The following EDRF1 variants were observed in gnomAD, a reference collection of about 807,000 sequenced individuals.
EDRF1 encodes the protein erythroid differentiation regulatory factor 1.
Under a neutral mutation model 148.7 loss-of-function variants are expected in EDRF1, and 69 were observed. That is an observed-to-expected ratio of 0.46 (90% CI 0.38 to 0.57). The LOEUF is 0.57. Ranked by LOEUF, EDRF1 falls within the 20% of genes least tolerant of loss-of-function variation. EDRF1 has a pLI of 0.00. For synonymous variants in EDRF1, 515 were observed against 532.8 expected (o/e 0.97, Z 0.46); for missense variants, 1,118 against 1,478.7 (o/e 0.76, Z 4.00).
chr10:125,725,647 T>A (rs777526783), intron 5 of EDRF1, 35 bp from the exon 6 acceptor site: 2 of 1,613,550 alleles, frequency 1.2e-6, no homozygotes, highest in South Asian at 2.2e-5. Context: ...TTAACTTTAG[T>A]AACAGCAATC....
At chr10:125,724,771 A>G (rs1472520497) in intron 4 of EDRF1, among the ~76,000 whole-genome samples, 2 of 152,236 alleles carry the variant, frequency 1.3e-5, no homozygotes, top group Non-Finnish European at 2.9e-5. Context: ...ACTACCCTCC[A>G]TATCTGTACT....
In EDRF1 at chr10:125,747,761, C is replaced by T. The variant is rs192897189; in HGVS notation, c.2973+67C>T. On this transcript the variant is annotated intron_variant, in intron 20 of 24. Coordinates refer to ENST00000356792, the MANE Select transcript of EDRF1 (RefSeq NM_001202438.2). ...ATTCCCTTGTTTAACAAATATTTAG[C>T]GTCTGTTGTCTTTTCCCTAATAAGC... 7.2e-4 allele frequency: 1,162 copies of T among 1,609,134 alleles called. 9 individuals are homozygous for T. In the South Asian group the frequency reaches 8.9e-3, roughly 12 times the overall value.
At chr10:125,728,322 T>C (rs1848354643) in intron 6 of EDRF1, among the ~76,000 whole-genome samples, 1 of 152,230 alleles carries the variant, frequency 6.6e-6, no homozygotes, top group Non-Finnish European at 1.5e-5. Flanking sequence ...ACTTATTATA[T>C]ATTTATTGTT....
chr10:125,719,957 C>T (rs750018773), intron 1 of EDRF1, 42 bp downstream of exon 1: 12 of 1,565,712 alleles, frequency 7.7e-6, no homozygotes, highest in South Asian at 3.4e-5. Context: ...GATGTGGGAG[C>T]GGAGGACCCG....
intron 1 of EDRF1, among the ~76,000 whole-genome samples, chr10:125,720,365 C>G (rs991698690): frequency 3.9e-5 from 6 of 152,108 alleles, no homozygotes; most frequent in Non-Finnish European, 1.5e-5. Context: ...GAACGAACCC[C>G]CAATGCCTTT....
At chr10:125,745,616 C>T (rs773700890) in intron 18 of EDRF1, 91 bp from the exon 19 acceptor site, 203 of 1,364,350 alleles carry the variant, frequency 1.5e-4, no homozygotes, top group Non-Finnish European at 2.1e-4. Flanking sequence ...ACTCCTGTCA[C>T]TGCCATCCTC....
chr10:125,721,121 C>T, intron 1 of EDRF1, 83 bp from the exon 2 acceptor site: 1 of 1,341,518 alleles, frequency 7.5e-7, no homozygotes, highest in Non-Finnish European at 1.1e-6. Flanking sequence ...CCTGGTGTGA[C>T]AGGTTCTTGT....
chr10:125,759,262 A>G (rs988851563), intron 24 of EDRF1, among the ~76,000 whole-genome samples: 2 of 152,142 alleles, frequency 1.3e-5, no homozygotes, highest in African/African-American at 4.8e-5. Context: ...TTTTAGCTAA[A>G]TGCTTACTGG....
At chr10:125,742,553 A>G (rs1849084470) in intron 17 of EDRF1, 2 of 985,286 alleles carry the variant, frequency 2.0e-6, no homozygotes, top group South Asian at 4.7e-5. Flanking sequence ...TTAATGTAGT[A>G]GGAAAGTCCT....
intron 3 of EDRF1, 27 bp downstream of exon 3, chr10:125,723,161 A>G: frequency 6.2e-7 from 1 of 1,602,842 alleles, no homozygotes; most frequent in Non-Finnish European, 8.5e-7. Context: ...GCTTAATGTA[A>G]TTTTGGAGGT....
At chr10:125,724,923 TTCA>T (rs1848180372) in intron 4 of EDRF1, among the ~76,000 whole-genome samples, 1 of 152,234 alleles carries the variant, frequency 6.6e-6, no homozygotes, top group African/African-American at 2.4e-5. Context: ...CACCGTTTAG[TTCA>T]TCATGTGAGT....
intron 17 of EDRF1, 43 bp from the exon 18 acceptor site, chr10:125,743,015 G>A (rs199982058): frequency 6.9e-6 from 11 of 1,605,426 alleles, no homozygotes; most frequent in Non-Finnish European, 9.4e-6. Context: ...GAGGAAGAAG[G>A]AATCACATGA....
At position 125,729,108 on chromosome 10, in the gene EDRF1, T is replaced by C; in HGVS notation, c.894+4T>C. ...CAATGACGGGGAGCACAGTCAGGTATGCTTTCCATGGTGTCCAAGGTGACA... is the reference window on the plus strand; with the variant it reads ...CAATGACGGGGAGCACAGTCAGGTACGCTTTCCATGGTGTCCAAGGTGACA... On this transcript the variant is annotated splice_donor_region_variant and intron_variant, in intron 7 of 24. Transcript: ENST00000356792. The C allele has an allele frequency of 6.4e-7, 1 of 1,556,702 alleles. No individual in the cohort carries two copies. The highest frequency in any genetic ancestry group is 8.6e-7 in the Non-Finnish European group (1 of 1,156,876).
At chr10:125,725,246 G>T in intron 4 of EDRF1, 72 bp from the exon 5 acceptor site, 1 of 1,577,826 alleles carries the variant, frequency 6.3e-7, no homozygotes, top group Non-Finnish European at 8.7e-7. Context: ...AGCCTTTTCT[G>T]TAAGCTAGTA....
chr10:125,735,553 A>C, intron 12 of EDRF1, 91 bp from the exon 13 acceptor site: 1 of 1,287,488 alleles, frequency 7.8e-7, no homozygotes, highest in Non-Finnish European at 1.1e-6. Context: ...GCCTGTGTGC[A>C]GACCTCCTCC....
At position 125,763,264 on chromosome 10, in the gene EDRF1, G is replaced by C. The variant is rs375065982; in HGVS notation, c.3546-37G>C. On this transcript the variant is annotated intron_variant, in intron 24 of 24. Coordinates refer to ENST00000356792, the MANE Select transcript of EDRF1 (RefSeq NM_001202438.2). This position sits in a 1 kb window ranked among gnomAD's most constrained non-coding sequence, Gnocchi z 4.3. ...CTCTGAATTGTCGGTAGGCATTGCT[G>C]GTCCCTTACCTGTCTCTTTTTCTTT... The C allele has an allele frequency of 8.8e-6, 14 of 1,593,478 alleles. No homozygotes were observed. The African/African-American group carries it at 1.6e-4, about 18-fold the overall frequency.
At chr10:125,734,245 C>G in intron 12 of EDRF1, 62 bp downstream of exon 12, 5 of 1,275,164 alleles carry the variant, frequency 3.9e-6, no homozygotes, top group Non-Finnish European at 5.7e-6. Flanking sequence ...AGATTGTTAC[C>G]TAGACAGTAA....
At chr10:125,731,932 T>G (rs1381231332) in intron 9 of EDRF1, 3 of 448,854 alleles carry the variant, frequency 6.7e-6, no homozygotes, top group Non-Finnish European at 1.4e-5. Context: ...TCAAGTGAGT[T>G]GCCCAGGGTC....
intron 1 of EDRF1, among the ~76,000 whole-genome samples, chr10:125,720,471 A>G (rs1406430480): frequency 6.6e-6 from 1 of 152,198 alleles, no homozygotes; most frequent in Non-Finnish European, 1.5e-5. Context: ...AAAAAGCCCA[A>G]ATGTTCTACC....
Sources: allele counts gnomAD v4.1 joint callset (sites outside exome capture counted in the v4.1 genomes callset), GRCh38; gene constraint gnomAD v4.1.1; non-coding constraint Gnocchi (gnomAD v3.1); transcripts MANE v1.5; gene names NCBI Gene and HGNC (gene_info 2026-07-23, HGNC 2026-07-21).